The following PCDHGA10 variants were observed in gnomAD, a reference collection of about 807,000 sequenced individuals.
PCDHGA10 encodes protocadherin gamma-A10.
A neutral mutation model predicts 59.5 loss-of-function variants in PCDHGA10; 42 were observed. The observed-to-expected ratio is 0.71, with a 90% CI of 0.55 to 0.91. The LOEUF (loss-of-function observed/expected upper bound fraction) is 0.91, where lower values mean the gene tolerates loss of function less well. Among genes scored for constraint, PCDHGA10 ranks in the 40% least tolerant of loss-of-function variants. The pLI is 0.00. For missense variants in PCDHGA10, 1,111 were observed against 1,198.2 expected (o/e 0.93, Z 1.07); for synonymous variants, 511 against 517.2 (o/e 0.99, Z 0.16).
At chr5:141,444,788 G>T (rs775248284) in intron 1 of PCDHGA10, among the ~76,000 whole-genome samples, 59 of 151,920 alleles carry the variant, frequency 3.9e-4, no homozygotes, top group Non-Finnish European at 5.7e-4. Context: ...TGTTTCATTT[G>T]TCTATTCTTT....
chr5:141,432,997 G>A lies in PCDHGA10; in HGVS notation c.2436+17386G>A, dbSNP rs778828769. ...CGCACTTTGTGGGCGTGGACGGGGT[G>A]CAGGCTTTCCTGCAGACCTATTCCC... is the stretch of plus-strand genomic sequence containing the variant. On this transcript the variant is annotated intron_variant, in intron 1 of 3. Coordinates refer to ENST00000398610, the MANE Select transcript of PCDHGA10 (RefSeq NM_018913.3). This position sits in a 1 kb window ranked among gnomAD's most constrained non-coding sequence, Gnocchi z 6.0. 5 of 1,614,082 alleles carry A rather than the reference G, an allele frequency of 3.1e-6. No homozygotes were observed. In the Admixed American group the frequency reaches 8.3e-5, roughly 27 times the overall value.
rs934674909 is a variant in PCDHGA10, at chr5:141,511,083, A to C, written c.2721A>C (p.Thr907=). Residue 907 remains threonine, a synonymous_variant, in exon 4 of 4, where the codon ACA becomes ACC. Transcript: ENST00000398610. The part of the protein sequence containing the change: ...QNVYIPGSNA[T]LTNAAGKRDG... Reference sequence around the variant, plus strand: ...TCTACATCCCAGGCAGCAATGCCACACTGACCAACGCAGCTGGCAAGCGGG... The same window carrying C: ...TCTACATCCCAGGCAGCAATGCCACCCTGACCAACGCAGCTGGCAAGCGGG... 1.2e-6 allele frequency: 2 copies of C among 1,614,108 alleles called. No homozygotes were observed. Among genetic ancestry groups the C allele is most frequent in the African/African-American group, 2.7e-5 (2 of 74,940 alleles).
intron 1 of PCDHGA10, chr5:141,428,440 G>A (rs890993546): frequency 1.0e-5 from 4 of 393,892 alleles, no homozygotes; most frequent in African/African-American, 8.2e-5. Flanking sequence ...GACTAGACCA[G>A]GGGTTTTTCC....
chr5:141,432,014 A>G lies in PCDHGA10; in HGVS notation c.2436+16403A>G, dbSNP rs778393699. The G allele has an allele frequency of 1.5e-5, 25 of 1,614,078 alleles. No individual in the cohort carries two copies. The highest frequency in any genetic ancestry group is 2.0e-5 in the Non-Finnish European group (24 of 1,180,036). ...GGATAGGGAACAGGTTCCTAGCTAC[A>G]ACATCACAGTGACCGCCACTGACCG... On this transcript the variant is annotated intron_variant, in intron 1 of 3. Coordinates refer to ENST00000398610, the MANE Select transcript of PCDHGA10 (RefSeq NM_018913.3). This position sits in a 1 kb window ranked among gnomAD's most constrained non-coding sequence, Gnocchi z 6.0.
chr5:141,455,587 T>C (rs1383947901), intron 1 of PCDHGA10, among the ~76,000 whole-genome samples: 1 of 152,162 alleles, frequency 6.6e-6, no homozygotes, highest in African/African-American at 2.4e-5. Flanking sequence ...CCTTTTAATA[T>C]GCAAACGTAG....
At chr5:141,445,768 T>A (rs2098476928) in intron 1 of PCDHGA10, among the ~76,000 whole-genome samples, 1 of 152,074 alleles carries the variant, frequency 6.6e-6, no homozygotes, top group Admixed American at 6.6e-5. Context: ...CTCAAGCAAT[T>A]TAAAAGGGCT....
intron 1 of PCDHGA10, among the ~76,000 whole-genome samples, chr5:141,471,046 CTTTT>C (rs1170588345): frequency 5.3e-5 from 6 of 113,264 alleles, no homozygotes; most frequent in Admixed American, 9.3e-5. Context: ...CCCAAGCCCT[CTTTT>C]TTTTTTTTTT....
rs2099612668 is a variant in PCDHGA10, at chr5:141,485,382, TGA to T, written c.2437-9424_2437-9423del. The T allele has an allele frequency of 6.2e-7, 1 of 1,613,538 alleles. No homozygotes were observed. The highest frequency in any genetic ancestry group is 8.5e-7 in the Non-Finnish European group (1 of 1,179,906). On this transcript the variant is annotated intron_variant, in intron 1 of 3. Coordinates refer to ENST00000398610, the MANE Select transcript of PCDHGA10 (RefSeq NM_018913.3). The surrounding 1 kb of genome is among the most constrained non-coding windows in gnomAD (Gnocchi z 5.7). ...CGCAGGCTGCAGGTCGCTGGAGAGG[TGA>T]ACCAAAGACACTTCCGTGTGGATTT...
Position 141,413,123 on chromosome 5 carries a change from AAACACAC to A in PCDHGA10, c.-49_-43del, listed in dbSNP as rs2095606041. The A allele has an allele frequency of 2.0e-6, 3 of 1,526,818 alleles. No homozygotes were observed. The highest frequency in any genetic ancestry group is 3.6e-4 in the Middle Eastern group (2 of 5,512). 94.6% of individuals were successfully genotyped at this position (1,526,818 alleles called of 1,614,324 possible). A position where few individuals can be genotyped will look rare whatever the true frequency, so the allele number is the denominator to read the frequency against. On this transcript the variant is annotated 5_prime_UTR_variant, in exon 1 of 4. Transcript: ENST00000398610. ...CACAGAAAGACAAAGGAACCGGTTGAAACACACAACGTGTCCAGTGAGGACTTTGCAG... is the reference window on the plus strand; with the variant it reads ...CACAGAAAGACAAAGGAACCGGTTGAAACGTGTCCAGTGAGGACTTTGCAG...
At chr5:141,438,607 T>C (rs924136790) in intron 1 of PCDHGA10, among the ~76,000 whole-genome samples, 2 of 27,412 alleles carry the variant, frequency 7.3e-5, no homozygotes. Flanking sequence ...TATATATATA[T>C]ATATATATAT....
In PCDHGA10 at chr5:141,490,462, ACCAG is replaced by A; in HGVS notation, c.2437-4338_2437-4335del. On this transcript the variant is annotated intron_variant, in intron 1 of 3. Coordinates refer to ENST00000398610, the MANE Select transcript of PCDHGA10 (RefSeq NM_018913.3). The surrounding 1 kb of genome is among the most constrained non-coding windows in gnomAD (Gnocchi z 5.4). ...TTCTGAGAACCACTACTCGCTGCTA[ACCAG>A]CCAGCCTTTGGACCGGGAGGCCACA... 1 of 1,614,198 alleles carries A rather than the reference ACCAG, an allele frequency of 6.2e-7. No homozygotes were observed.
At chr5:141,494,937 G>A (rs759078748) in intron 2 of PCDHGA10, 72 bp downstream of exon 2, 130 of 1,612,276 alleles carry the variant, frequency 8.1e-5, no homozygotes, top group Non-Finnish European at 1.1e-4. Context: ...GAGGAGATGG[G>A]GGAGGGCCCA....
chr5:141,501,288 TATACACAC>T (rs1482707793), intron 2 of PCDHGA10, among the ~76,000 whole-genome samples: 1 of 81,228 alleles, frequency 1.2e-5, no homozygotes, highest in African/African-American at 4.9e-5. Flanking sequence ...GATATTCCCT[TATACACAC>T]ACACACACAC....
At position 141,414,183 on chromosome 5, in the gene PCDHGA10, A is replaced by C; in HGVS notation, c.1008A>C (p.Lys336Asn). ...GAGGAGCATATCTTGCAACTGCAAA[A>C]GTGTTGATTACAGTAGAAGATGTAA... ...EDGGAYLATA[K>N]VLITVEDVND... The change falls in exon 1 of 4, where the codon AAA becomes AAC. Residue 336 changes from lysine to asparagine, a missense_variant. Transcript: ENST00000398610. 6.2e-7 allele frequency: 1 copy of C among 1,609,508 alleles called. No homozygotes were observed. The highest frequency in any genetic ancestry group is 8.5e-7 in the Non-Finnish European group (1 of 1,177,690).
At position 141,432,580 on chromosome 5, in the gene PCDHGA10, T is replaced by C. The variant is rs773087131; in HGVS notation, c.2436+16969T>C. 20 of 1,613,202 alleles carry C rather than the reference T, an allele frequency of 1.2e-5. No individual in the cohort carries two copies. The highest frequency in any genetic ancestry group is 4.0e-5 in the African/African-American group (3 of 74,662). On this transcript the variant is annotated intron_variant, in intron 1 of 3. Transcript: ENST00000398610. The surrounding 1 kb of genome is among the most constrained non-coding windows in gnomAD (Gnocchi z 6.0). ...GCCAGAACGCCTGGCTGTCCTACCG[T>C]CTGCTCAAGGCCAGCGAGCCGGGAC... is the stretch of plus-strand genomic sequence containing the variant.
chr5:141,468,463 T>G (rs574151637), intron 1 of PCDHGA10: 6 of 152,282 alleles, frequency 3.9e-5, no homozygotes, highest in African/African-American at 1.4e-4. Flanking sequence ...AGCAAGTTAT[T>G]TCTGAGGAGA....
chr5:141,442,343 G>C (rs1300318674), intron 1 of PCDHGA10: 1 of 152,336 alleles, frequency 6.6e-6, no homozygotes, highest in Non-Finnish European at 1.5e-5. Flanking sequence ...CAGGTTTCTG[G>C]GTAACTGTAG....
At chr5:141,421,169 T>G in intron 1 of PCDHGA10, 2 of 1,340,600 alleles carry the variant, frequency 1.5e-6, no homozygotes, top group South Asian at 1.5e-5. Flanking sequence ...CATAGATACA[T>G]AAGCCGATTC....
intron 1 of PCDHGA10, chr5:141,417,260 G>A (rs1362206061): frequency 1.3e-5 from 2 of 152,174 alleles, no homozygotes; most frequent in Non-Finnish European, 2.9e-5. Context: ...CAGCTTCATA[G>A]ATAATTACTC....
Sources: gnomAD v4.1 joint callset for allele counts (sites outside exome capture counted in the v4.1 genomes callset) on GRCh38, gnomAD v4.1.1 for gene constraint, Gnocchi (gnomAD v3.1) non-coding constraint, MANE v1.5 for transcripts, NCBI Gene and HGNC (gene_info 2026-07-23, HGNC 2026-07-21) for gene names.